CEP15: variants seen among roughly 807,000 people sequenced by gnomAD.
The protein encoded by CEP15 is centrosomal protein 15 kDa.
chr3:62,324,658 A>G, the CEP15 span, among the ~76,000 whole-genome samples: 2 of 152,166 alleles, frequency 1.3e-5, no homozygotes, highest in South Asian at 4.1e-4. Context: ...TAATTTAAAG[A>G]TGAGGAAACC....
chr3:62,332,330 G>A, the CEP15 span, among the ~76,000 whole-genome samples: 29 of 152,218 alleles, frequency 1.9e-4, no homozygotes, highest in Non-Finnish European at 2.9e-4. Context: ...CACATGCATG[G>A]ATATATAGAC....
the CEP15 span, among the ~76,000 whole-genome samples, chr3:62,321,312 A>AT: frequency 6.6e-6 from 1 of 152,184 alleles, no homozygotes; most frequent in Non-Finnish European, 1.5e-5. This position sits in a 1 kb window ranked among gnomAD's most constrained non-coding sequence, Gnocchi z 4.1. Flanking sequence ...TTTACTTGTA[A>AT]TTTTTTACAT....
the CEP15 span, among the ~76,000 whole-genome samples, chr3:62,322,840 C>T: frequency 6.6e-6 from 1 of 152,016 alleles, no homozygotes; most frequent in African/African-American, 2.4e-5. The surrounding 1 kb of genome is among the most constrained non-coding windows in gnomAD (Gnocchi z 5.5). Flanking sequence ...ATCTTCTGTC[C>T]TCACTAGAGG....
chr3:62,325,358 A>G, the CEP15 span, among the ~76,000 whole-genome samples: 1 of 152,234 alleles, frequency 6.6e-6, no homozygotes, highest in South Asian at 2.1e-4. Flanking sequence ...ACTCAATAAA[A>G]TTTCTGTAAA....
the CEP15 span, among the ~76,000 whole-genome samples, chr3:62,325,435 G>C: frequency 1.3e-5 from 2 of 152,180 alleles, no homozygotes; most frequent in Non-Finnish European, 2.9e-5. Context: ...CAGTGAGGAA[G>C]AGACCAATTC....
the CEP15 span, among the ~76,000 whole-genome samples, chr3:62,331,913 T>A: frequency 6.6e-6 from 1 of 152,156 alleles, no homozygotes. Context: ...TATATGAATA[T>A]GTTTGTGATG....
At chr3:62,320,865 A>G in the CEP15 span, among the ~76,000 whole-genome samples, 1 of 152,128 alleles carries the variant, frequency 6.6e-6, no homozygotes, top group African/African-American at 2.4e-5. Context: ...CAGGTCCTGC[A>G]TTTGGTTTAA....
At chr3:62,324,726 G>C in the CEP15 span, among the ~76,000 whole-genome samples, 1 of 152,074 alleles carries the variant, frequency 6.6e-6, no homozygotes, top group Non-Finnish European at 1.5e-5. Context: ...ATCTAGGACA[G>C]GTACTTCAGA....
the CEP15 span, among the ~76,000 whole-genome samples, chr3:62,321,422 G>A: frequency 6.6e-6 from 1 of 152,124 alleles, no homozygotes; most frequent in Non-Finnish European, 1.5e-5. This position sits in a 1 kb window ranked among gnomAD's most constrained non-coding sequence, Gnocchi z 4.1. Context: ...GAAAAAGAGG[G>A]AAAAAATATT....
At chr3:62,330,336 A>G in the CEP15 span, among the ~76,000 whole-genome samples, 2 of 152,072 alleles carry the variant, frequency 1.3e-5, no homozygotes, top group Non-Finnish European at 2.9e-5. Flanking sequence ...TCTCTTTTCT[A>G]TCAACTCACT....
the CEP15 span, chr3:62,334,741 A>C: frequency 6.6e-6 from 1 of 152,206 alleles, no homozygotes; most frequent in Non-Finnish European, 1.5e-5. The surrounding 1 kb of genome is among the most constrained non-coding windows in gnomAD (Gnocchi z 4.9). Context: ...TGGCATAGCA[A>C]CCAGAACAAT....
chr3:62,322,012 A>C, the CEP15 span: 2 of 1,609,006 alleles, frequency 1.2e-6, no homozygotes, highest in South Asian at 2.2e-5. This position sits in a 1 kb window ranked among gnomAD's most constrained non-coding sequence, Gnocchi z 5.5. Flanking sequence ...TCAACTCCAA[A>C]CTGTTGAGAC....
chr3:62,321,332 AT>A, the CEP15 span, among the ~76,000 whole-genome samples: 6 of 152,208 alleles, frequency 3.9e-5, no homozygotes, highest in Admixed American at 3.9e-4. This position sits in a 1 kb window ranked among gnomAD's most constrained non-coding sequence, Gnocchi z 4.1. Flanking sequence ...TCTTTCTTCA[AT>A]TACTGTTTTA....
chr3:62,335,200 C>G, the CEP15 span: 1 of 152,048 alleles, frequency 6.6e-6, no homozygotes, highest in Non-Finnish European at 1.5e-5. Flanking sequence ...ATCTAACCAT[C>G]TCAGAAAAGG....
At chr3:62,321,839 G>A in the CEP15 span, 1 of 940,324 alleles carries the variant, frequency 1.1e-6, no homozygotes, top group Non-Finnish European at 1.6e-6. The surrounding 1 kb of genome is among the most constrained non-coding windows in gnomAD (Gnocchi z 4.1). Flanking sequence ...GAAGTGAGGT[G>A]CAATTAAGAA....
chr3:62,329,287 C>T, the CEP15 span, among the ~76,000 whole-genome samples: 1 of 152,208 alleles, frequency 6.6e-6, no homozygotes, highest in East Asian at 1.9e-4. Context: ...ATTGTTCATT[C>T]ATTATATCCA....
the CEP15 span, among the ~76,000 whole-genome samples, chr3:62,332,250 G>C: frequency 6.6e-6 from 1 of 152,116 alleles, no homozygotes; most frequent in African/African-American, 2.4e-5. Context: ...GCCTCAGATG[G>C]TATTTTTCTT....
the CEP15 span, among the ~76,000 whole-genome samples, chr3:62,330,712 C>T: frequency 6.6e-6 from 1 of 152,076 alleles, no homozygotes; most frequent in African/African-American, 2.4e-5. Flanking sequence ...GCTTAGAAAG[C>T]TAGTACTAAA....
the CEP15 span, chr3:62,324,027 T>C: frequency 6.6e-6 from 1 of 152,140 alleles, no homozygotes. Flanking sequence ...ACTTTCCTCG[T>C]ATGTTTTTAA....
Sources: gnomAD v4.1 joint callset for allele counts (sites outside exome capture counted in the v4.1 genomes callset) on GRCh38, gnomAD v4.1.1 for gene constraint, Gnocchi (gnomAD v3.1) non-coding constraint, MANE v1.5 for transcripts, NCBI Gene and HGNC (gene_info 2026-07-23, HGNC 2026-07-21) for gene names.